Variants in SLC39A10 observed in about 807,000 individuals in gnomAD.
The protein encoded by SLC39A10 is solute carrier family 39 member 10.
SLC39A10 carries 13 observed loss-of-function variants against 65.1 expected under a neutral mutation model. The ratio of observed to expected loss-of-function variants is 0.20; its 90% CI spans 0.13 to 0.32. The LOEUF is 0.32. Ranked by LOEUF, SLC39A10 falls within the 10% of genes least tolerant of loss-of-function variation. The pLI is 1.00. For synonymous variants in SLC39A10, 321 were observed against 342.2 expected (o/e 0.94, Z 0.68); for missense variants, 831 against 1,018.4 (o/e 0.82, Z 2.50).
At chr2:195,645,318 C>T (rs1360277338) in intron 2 of SLC39A10, among the ~76,000 whole-genome samples, 3 of 152,028 alleles carry the variant, frequency 2.0e-5, no homozygotes, top group Non-Finnish European at 4.4e-5. Flanking sequence ...AAAACTGTTC[C>T]AGCTACAAAG....
At chr2:195,650,111 A>G (rs1362389310) in intron 2 of SLC39A10, among the ~76,000 whole-genome samples, 2 of 151,982 alleles carry the variant, frequency 1.3e-5, no homozygotes, top group East Asian at 3.9e-4. Flanking sequence ...GGAATTGGCA[A>G]GTACACTAAA....
intron 9 of SLC39A10, among the ~76,000 whole-genome samples, chr2:195,732,114 T>G (rs1288537128): frequency 6.6e-6 from 1 of 152,176 alleles, no homozygotes; most frequent in Non-Finnish European, 1.5e-5. Context: ...TGTCGTCAGG[T>G]AGGTGTTGGC....
Position 195,713,434 on chromosome 2 carries a change from G to A in SLC39A10, c.1577G>A (p.Gly526Glu). ...RMFKHYKQQR[G>E]KQKWFMKQNT... The stretch of plus-strand genomic sequence containing the variant: ...ATACTATTTTTTTTCTTTTTTTAGG[G>A]AAAACAGAAATGGTTTATGAAACAG... Residue 526 changes from glycine to glutamate, a missense_variant and splice_region_variant, in exon 6 of 10, where the codon GGA becomes GAA. Coordinates refer to ENST00000359634, the MANE Select transcript of SLC39A10 (RefSeq NM_020342.3). The A allele has an allele frequency of 1.3e-6, 2 of 1,540,504 alleles. No individual in the cohort carries two copies. The highest frequency in any genetic ancestry group is 1.7e-6 in the Non-Finnish European group (2 of 1,153,132).
At chr2:195,654,470 C>T (rs1191538242), upstream of SLC39A10, among the ~76,000 whole-genome samples, 1 of 152,190 alleles carries the variant, frequency 6.6e-6, no homozygotes, top group Non-Finnish European at 1.5e-5. Context: ...TATATCATGT[C>T]TCACAAAGGT....
chr2:195,617,315 C>A (rs1373148826), intron 2 of SLC39A10, among the ~76,000 whole-genome samples: 1 of 152,118 alleles, frequency 6.6e-6, no homozygotes, highest in Non-Finnish European at 1.5e-5. Flanking sequence ...GTAATCCCAG[C>A]ACTTTGGGAG....
intron 2 of SLC39A10, among the ~76,000 whole-genome samples, chr2:195,618,643 T>C (rs1482783110): frequency 6.6e-6 from 1 of 152,194 alleles, no homozygotes; most frequent in Non-Finnish European, 1.5e-5. Context: ...AATAAACACA[T>C]TTGCTATCCT....
At chr2:195,699,822 G>C (rs1250383653) in intron 3 of SLC39A10, among the ~76,000 whole-genome samples, 1 of 152,072 alleles carries the variant, frequency 6.6e-6, no homozygotes, top group Admixed American at 6.5e-5. Context: ...CTATTTCCTT[G>C]CCTGTCTGCT....
intron 3 of SLC39A10, among the ~76,000 whole-genome samples, chr2:195,690,173 GAAAAAAA>G (rs34116515): frequency 0.025 from 1,553 of 61,108 alleles, 30 homozygotes; most frequent in African/African-American, 0.075. Flanking sequence ...GAGACTCTCT[GAAAAAAA>G]AAAAAAAAAA....
intron 8 of SLC39A10, among the ~76,000 whole-genome samples, chr2:195,727,099 C>T (rs1017696589): frequency 7.9e-5 from 12 of 151,664 alleles, no homozygotes; most frequent in African/African-American, 2.9e-4. Flanking sequence ...CCTAATGTTC[C>T]AACTTCATTA....
At chr2:195,702,460 G>A (rs1350490869) in intron 3 of SLC39A10, among the ~76,000 whole-genome samples, 1 of 152,164 alleles carries the variant, frequency 6.6e-6, no homozygotes, top group Non-Finnish European at 1.5e-5. Flanking sequence ...TCCCCTAGAA[G>A]TTGCAAGCCT....
At chr2:195,726,202 G>A (rs1034690628) in intron 8 of SLC39A10, among the ~76,000 whole-genome samples, 1 of 152,150 alleles carries the variant, frequency 6.6e-6, no homozygotes, top group African/African-American at 2.4e-5. Context: ...AACAAAGTTG[G>A]TGTATTTTGT....
intron 5 of SLC39A10, among the ~76,000 whole-genome samples, chr2:195,710,404 A>G (rs1574299299): frequency 1.3e-5 from 2 of 152,208 alleles, no homozygotes; most frequent in Non-Finnish European, 2.9e-5. Context: ...GGGATGGTCA[A>G]GATCTTAAAG....
chr2:195,709,262 C>T (rs374771143), intron 5 of SLC39A10, among the ~76,000 whole-genome samples: 5 of 151,942 alleles, frequency 3.3e-5, no homozygotes, highest in East Asian at 1.9e-4. Context: ...GACAGATTCT[C>T]GCTATGTGGC....
At chr2:195,637,740 C>A (rs1688721364) in intron 2 of SLC39A10, among the ~76,000 whole-genome samples, 1 of 152,142 alleles carries the variant, frequency 6.6e-6, no homozygotes, top group African/African-American at 2.4e-5. Flanking sequence ...AGTTTAACAT[C>A]CCTGAAGGTC....
chr2:195,681,075 G>A, intron 2 of SLC39A10, 25 bp downstream of exon 2: 1 of 1,572,342 alleles, frequency 6.4e-7, no homozygotes, highest in Non-Finnish European at 8.6e-7. Context: ...ATGTCCGATA[G>A]CTGCTTCGTA....
At position 195,708,638 on chromosome 2, in the gene SLC39A10, ATTTG is replaced by A. The variant is rs752909905; in HGVS notation, c.1387-15_1387-12del. On this transcript the variant is annotated splice_polypyrimidine_tract_variant and intron_variant, in intron 4 of 9. Coordinates refer to ENST00000359634, the MANE Select transcript of SLC39A10 (RefSeq NM_020342.3). ...TTTCAATTATTTGTTTAGAAGTTTT[ATTTG>A]TTCTTATTAATAGTCTCAGGGTGGA... 3 of 1,512,494 alleles carry A rather than the reference ATTTG, an allele frequency of 2.0e-6. No homozygotes were observed. The highest frequency in any genetic ancestry group is 4.6e-5 in the East Asian group (2 of 43,050). The allele number at this position is 1,512,494 out of a possible 1,614,324, so 93.7% of individuals were successfully genotyped here.
rs1196927398 is a variant in SLC39A10 at position 195,728,988 on chromosome 2, T to A, written c.2337+639T>A. On this transcript the variant is annotated intron_variant, in intron 9 of 9. Coordinates refer to ENST00000359634, the MANE Select transcript of SLC39A10 (RefSeq NM_020342.3). This position sits in a 1 kb window ranked among gnomAD's most constrained non-coding sequence, Gnocchi z 4.4. ...AATTATGCAGCCTTTTTTTTTTTTT[T>A]ATGAGATAGGGTCTTGCTCTGTTGC... Among the ~76,000 whole-genome samples, 1 of 151,522 alleles carries A rather than the reference T, an allele frequency of 6.6e-6. No homozygotes were observed. Among genetic ancestry groups the A allele is most frequent in the Non-Finnish European group, 1.5e-5 (1 of 67,854 alleles).
chr2:195,642,540 A>G (rs1688832515), intron 2 of SLC39A10, among the ~76,000 whole-genome samples: 2 of 152,236 alleles, frequency 1.3e-5, no homozygotes, highest in South Asian at 4.1e-4. Context: ...CATGTGAAAC[A>G]GAGAAGTCCA....
rs746193251 is a variant in SLC39A10 at position 195,680,867 on chromosome 2, A to G, written c.825A>G (p.Pro275=). The G allele has an allele frequency of 6.2e-7, 1 of 1,614,216 alleles. No individual in the cohort carries two copies. Among genetic ancestry groups the G allele is most frequent in the Non-Finnish European group, 8.5e-7 (1 of 1,180,038 alleles). The stretch of plus-strand genomic sequence containing the variant: ...ACAAACCTGATCGTGTACATAACCC[A>G]GGTCATTCTCATGTACATCTTCCAG... ...RVHKPDRVHN[P]GHSHVHLPER... The change falls in exon 2 of 10, where the codon CCA becomes CCG. Residue 275 remains proline, a synonymous_variant. Coordinates refer to ENST00000359634, the MANE Select transcript of SLC39A10 (RefSeq NM_020342.3).
Sources: gnomAD v4.1 joint callset for allele counts (sites outside exome capture counted in the v4.1 genomes callset) on GRCh38, gnomAD v4.1.1 for gene constraint, Gnocchi (gnomAD v3.1) non-coding constraint, MANE v1.5 for transcripts, NCBI Gene and HGNC (gene_info 2026-07-23, HGNC 2026-07-21) for gene names.